Variants in CSMD1 observed in about 807,000 individuals in gnomAD.
CSMD1 encodes CUB and sushi domain-containing protein 1.
CSMD1 carries 213 observed loss-of-function variants against 417.5 expected under a neutral mutation model. The observed-to-expected ratio is 0.51, with a 90% confidence interval of 0.46 to 0.57. CSMD1 has a LOEUF of 0.57. CSMD1 is among the 20% of genes least tolerant of loss of function. CSMD1 has a pLI of 0.00. For missense variants in CSMD1, 6,923 were observed against 4,529.7 expected (o/e 1.53, Z -15.17); for synonymous variants, 2,862 against 1,736.8 (o/e 1.65, Z -16.11).
At chr8:4,478,941 ACG>A (rs1800943794) in intron 2 of CSMD1, among the ~76,000 whole-genome samples, 1 of 152,198 alleles carries the variant, frequency 6.6e-6, no homozygotes, top group East Asian at 1.9e-4. Flanking sequence ...ACCTTAATTC[ACG>A]GAAATTTTCT....
intron 3 of CSMD1, among the ~76,000 whole-genome samples, chr8:4,121,389 A>G (rs1008503368): frequency 6.6e-6 from 1 of 152,196 alleles, no homozygotes; most frequent in Non-Finnish European, 1.5e-5. Flanking sequence ...GGCTGGGATT[A>G]CAGGCATGAG....
chr8:3,516,504 T>A (rs1347121007), intron 10 of CSMD1, among the ~76,000 whole-genome samples: 1 of 152,228 alleles, frequency 6.6e-6, no homozygotes, highest in East Asian at 1.9e-4. Flanking sequence ...GTATCTATGC[T>A]ACTCCTCTCA....
At position 3,154,893 on chromosome 8, in the gene CSMD1, T is replaced by C. The variant is rs1225093526; in HGVS notation, c.5914+3004A>G. On this transcript the variant is annotated intron_variant, in intron 39 of 69. Coordinates refer to ENST00000635120, the MANE Select transcript of CSMD1 (RefSeq NM_033225.6). Reference sequence around the variant, plus strand: ...TCTCTATGGACTTCTCCTCTTACAATTCCCCAGTTTGGAGTAATCTAAAGC... The same window carrying C: ...TCTCTATGGACTTCTCCTCTTACAACTCCCCAGTTTGGAGTAATCTAAAGC... 2.0e-5 allele frequency among the ~76,000 whole-genome samples: 3 copies of C among 152,274 alleles called. No homozygotes were observed. In the East Asian group the frequency reaches 5.8e-4, roughly 29 times the overall value.
chr8:4,419,307 A>G (rs1428623885), intron 3 of CSMD1, among the ~76,000 whole-genome samples: 4 of 152,172 alleles, frequency 2.6e-5, no homozygotes, highest in Non-Finnish European at 4.4e-5. Context: ...TTAAAGTATT[A>G]ACTAGTTCAA....
chr8:3,868,387 G>C (rs1232879992), intron 5 of CSMD1, among the ~76,000 whole-genome samples: 1 of 152,064 alleles, frequency 6.6e-6, no homozygotes, highest in Admixed American at 6.5e-5. Context: ...CAGGCCACAG[G>C]TCCCTGCTGT....
rs1157477070 is a variant in CSMD1 at position 4,294,637 on chromosome 8, GA to G, written c.415+125315del. Among the ~76,000 whole-genome samples the G allele has an allele frequency of 1.8e-4, 28 of 152,196 alleles. 1 individual carries two copies. The highest frequency in any genetic ancestry group is 3.4e-3 in the Middle Eastern group (1 of 294). On this transcript the variant is annotated intron_variant, in intron 3 of 69. Coordinates refer to ENST00000635120, the MANE Select transcript of CSMD1 (RefSeq NM_033225.6). Reference sequence around the variant, plus strand: ...CTGAACATTCCAGAACAACTTGATAGAAAGTTATATTCATGTTTCTTGGTAT... The same window carrying G: ...CTGAACATTCCAGAACAACTTGATAGAAGTTATATTCATGTTTCTTGGTAT...
intron 33 of CSMD1, among the ~76,000 whole-genome samples, chr8:3,197,742 G>A (rs1484484502): frequency 6.6e-6 from 1 of 152,124 alleles, no homozygotes; most frequent in South Asian, 2.1e-4. Flanking sequence ...GGGATTACAG[G>A]CTTGAGCCAC....
intron 10 of CSMD1, among the ~76,000 whole-genome samples, chr8:3,572,312 G>A (rs1346450026): frequency 2.6e-5 from 4 of 152,170 alleles, no homozygotes; most frequent in Admixed American, 6.5e-5. Flanking sequence ...GGAGCTTCAG[G>A]GAGCAGTTGA....
Position 3,823,976 on chromosome 8 carries a change from G to C in CSMD1, c.819-69934C>G, listed in dbSNP as rs140404832. On this transcript the variant is annotated intron_variant, in intron 5 of 69. Transcript: ENST00000635120. ...GATCAAATAATTTAGTTTTCAAATA[G>C]TTCTGAAACCTAATAATGTTTTTGC... Among the ~76,000 whole-genome samples the C allele has an allele frequency of 4.5e-3, 692 of 152,162 alleles. 5 individuals carry two copies. The highest frequency in any genetic ancestry group is 0.016 in the African/African-American group (651 of 41,514).
chr8:4,085,086 A>T (rs767540253), intron 3 of CSMD1, among the ~76,000 whole-genome samples: 4 of 152,148 alleles, frequency 2.6e-5, no homozygotes, highest in Non-Finnish European at 5.9e-5. Context: ...TGTGTTTATA[A>T]ATCAGGGAAT....
intron 1 of CSMD1, among the ~76,000 whole-genome samples, chr8:4,833,385 A>C (rs1043501920): frequency 3.9e-5 from 6 of 152,304 alleles, no homozygotes; most frequent in African/African-American, 1.4e-4. Flanking sequence ...ACCAGCTCTC[A>C]AGAGAACTCA....
In CSMD1 at chr8:3,550,468, C is replaced by T. The variant is rs563106468; in HGVS notation, c.1344+24477G>A. Among the ~76,000 whole-genome samples, 112 of 152,246 alleles carry T rather than the reference C, an allele frequency of 7.4e-4. 1 individual carries two copies. Among genetic ancestry groups the T allele is most frequent in the Non-Finnish European group, 1.2e-3 (79 of 68,016 alleles). On this transcript the variant is annotated intron_variant, in intron 10 of 69. Transcript: ENST00000635120. Reference sequence around the variant, plus strand: ...TAAAAGTTTTTTAATTGACACATGGCGGCTGTGCATATCGATGGGGTGCAC... The same window carrying T: ...TAAAAGTTTTTTAATTGACACATGGTGGCTGTGCATATCGATGGGGTGCAC...
At chr8:4,146,658 C>G (rs1804153101) in intron 3 of CSMD1, among the ~76,000 whole-genome samples, 1 of 127,504 alleles carries the variant, frequency 7.8e-6, no homozygotes. Context: ...GTCCCCCAGG[C>G]TGGAGCGCAG....
intron 7 of CSMD1, chr8:3,704,760 A>C (rs1288833592): frequency 2.0e-5 from 3 of 152,184 alleles, no homozygotes; most frequent in Admixed American, 1.3e-4. Context: ...TTTAATTATC[A>C]AACTGCAAGT....
chr8:4,222,004 C>T (rs539730755), intron 3 of CSMD1, among the ~76,000 whole-genome samples: 2 of 151,998 alleles, frequency 1.3e-5, no homozygotes, highest in African/African-American at 4.8e-5. Flanking sequence ...TCTGTCCCTA[C>T]ACCACATAAA....
intron 3 of CSMD1, among the ~76,000 whole-genome samples, chr8:4,260,695 C>T (rs943142441): frequency 5.9e-5 from 9 of 151,938 alleles, no homozygotes; most frequent in African/African-American, 2.2e-4. Flanking sequence ...TCCAAAATTC[C>T]CATGTCGTTG....
chr8:3,404,358 T>C (rs185136530), intron 15 of CSMD1, among the ~76,000 whole-genome samples: 253 of 149,168 alleles, frequency 1.7e-3, no homozygotes, highest in African/African-American at 5.4e-3. Flanking sequence ...AAAAAAAAAT[T>C]GCGTTTCTAC....
chr8:3,826,468 T>C (rs1042722309), intron 5 of CSMD1, among the ~76,000 whole-genome samples: 2 of 152,142 alleles, frequency 1.3e-5, no homozygotes, highest in Non-Finnish European at 2.9e-5. Context: ...CAGCAGCACC[T>C]TTACATCTCC....
intron 1 of CSMD1, among the ~76,000 whole-genome samples, chr8:4,952,217 G>T (rs1338867322): frequency 1.3e-5 from 2 of 151,886 alleles, no homozygotes; most frequent in African/African-American, 4.8e-5. Flanking sequence ...ATAAAGCCAT[G>T]TTTGCTCCGT....
Sources: gnomAD v4.1 joint callset for allele counts (sites outside exome capture counted in the v4.1 genomes callset) on GRCh38, gnomAD v4.1.1 for gene constraint, MANE v1.5 for transcripts, NCBI Gene and HGNC (gene_info 2026-07-23, HGNC 2026-07-21) for gene names.